SUGP2: variants seen among roughly 807,000 people sequenced by gnomAD.
SUGP2 encodes SURP and G-patch domain containing 2, also known as SURP and G-patch domain-containing protein 2.
SUGP2 carries 24 observed loss-of-function variants against 90.5 expected under a neutral mutation model. That is an observed-to-expected ratio of 0.27 (90% CI 0.19 to 0.37). The LOEUF (loss-of-function observed/expected upper bound fraction) is 0.37, where lower values mean the gene tolerates loss of function less well. Ranked by LOEUF, SUGP2 falls within the 10% of genes least tolerant of loss-of-function variation. The pLI, the probability that SUGP2 is intolerant of heterozygous loss-of-function variation, is 1.00. For missense variants in SUGP2, 1,233 were observed against 1,363.3 expected, an observed-to-expected ratio of 0.90 and a Z score of 1.51; for synonymous variants, 473 against 513.4, an observed-to-expected ratio of 0.92 and a Z score of 1.06.
At chr19:19,013,393 T>C (rs1237206833) in intron 4 of SUGP2, among the ~76,000 whole-genome samples, 1 of 152,206 alleles carries the variant, frequency 6.6e-6, no homozygotes, top group Admixed American at 6.5e-5. Context: ...CATCTCTGTG[T>C]TTTCCAATTC....
chr19:19,014,804 C>A (rs10422769), intron 4 of SUGP2, among the ~76,000 whole-genome samples: 3,601 of 131,434 alleles, frequency 0.027, 129 homozygotes, highest in African/African-American at 0.092. Flanking sequence ...TCTCTTTAAA[C>A]AAAAAAAAAA....
chr19:19,008,169 T>C (rs1334948805), intron 6 of SUGP2, 148 bp downstream of exon 6: 2 of 719,210 alleles, frequency 2.8e-6, no homozygotes, highest in Non-Finnish European at 5.0e-6. Context: ...CCAGTTGCAG[T>C]GGAGCACACC....
Position 18,991,437 on chromosome 19 carries a change from A to G in SUGP2, c.*2304T>C, listed in dbSNP as rs1399853071. 1 of 152,058 alleles carries G rather than the reference A, an allele frequency of 6.6e-6. No individual in the cohort carries two copies. Among genetic ancestry groups the G allele is most frequent in the Non-Finnish European group, 1.5e-5 (1 of 68,000 alleles). 9.4% of individuals were successfully genotyped at this position (152,058 alleles called of 1,614,324 possible). Reference sequence around the variant, plus strand: ...TAGGGGGCTTTCTAGGTTCAAGGAGATGTGCCCTTTGACCCCTGCCAAGGA... The same window carrying G: ...TAGGGGGCTTTCTAGGTTCAAGGAGGTGTGCCCTTTGACCCCTGCCAAGGA... On this transcript the variant is annotated 3_prime_UTR_variant, in exon 11 of 11. Transcript: ENST00000452918.
At position 19,017,824 on chromosome 19, in the gene SUGP2, CA is replaced by C. The variant is rs1375856496; in HGVS notation, c.1850+1284del. On this transcript the variant is annotated intron_variant, in intron 4 of 10. Coordinates refer to ENST00000452918, the MANE Select transcript of SUGP2 (RefSeq NM_001017392.5). ...CTGCAGCTGAGAAACTGACATAAAT[CA>C]AAAGCCTCTAACATGAGCTTTAACC... 7.2e-5 allele frequency among the ~76,000 whole-genome samples: 11 copies of C among 152,012 alleles called. No individual in the cohort carries two copies. The East Asian group carries it at 2.1e-3, about 29-fold the overall frequency.
At chr19:19,002,505 G>GTTTTTTTTT (rs58282570) in intron 7 of SUGP2, among the ~76,000 whole-genome samples, 2 of 61,102 alleles carry the variant, frequency 3.3e-5, no homozygotes, top group Non-Finnish European at 5.7e-5. Context: ...TAGCAAGTCT[G>GTTTTTTTTT]TTTTTTTTTT....
intron 1 of SUGP2, among the ~76,000 whole-genome samples, chr19:19,032,718 C>G (rs2059224530): frequency 6.6e-6 from 1 of 152,188 alleles, no homozygotes; most frequent in South Asian, 2.1e-4. Context: ...ACCAGACAGC[C>G]CAGATTTGAA....
intron 2 of SUGP2, among the ~76,000 whole-genome samples, chr19:19,029,921 C>T (rs960886383): frequency 4.7e-4 from 71 of 149,486 alleles, no homozygotes; most frequent in Non-Finnish European, 4.9e-4. Context: ...CCAGCCTGGG[C>T]GACAGTACAA....
rs4808896 is a variant in SUGP2 at position 18,994,322 on chromosome 19, G to A, written c.*44C>T. ...GGGAAATTTCTCTGCATACCAGCAC[G>A]CCAGCGAGGGCAGACGGCCTTACAC... On this transcript the variant is annotated intron_variant, in intron 10 of 10. Coordinates refer to ENST00000452918, the MANE Select transcript of SUGP2 (RefSeq NM_001017392.5). The A allele has an allele frequency of 0.077, 121,824 of 1,590,776 alleles. 5,187 individuals carry two copies. Among genetic ancestry groups the A allele is most frequent in the Middle Eastern group, 0.097 (581 of 5,980 alleles).
intron 8 of SUGP2, among the ~76,000 whole-genome samples, chr19:19,000,356 C>G (rs2057780995): frequency 6.6e-6 from 1 of 152,204 alleles, no homozygotes; most frequent in Admixed American, 6.5e-5. Flanking sequence ...TCTCTTTGAC[C>G]TGCTTCTCTT....
chr19:19,024,446 T>C (rs1388464654), intron 3 of SUGP2, among the ~76,000 whole-genome samples, 173 bp downstream of exon 3: 1 of 152,206 alleles, frequency 6.6e-6, no homozygotes, highest in Non-Finnish European at 1.5e-5. Flanking sequence ...AGATTCCTAA[T>C]ACACATTCAC....
At chr19:19,033,202 C>CCTTT (rs1402587329) in intron 1 of SUGP2, 1 of 254,838 alleles carries the variant, frequency 3.9e-6, no homozygotes, top group Non-Finnish European at 6.6e-6. Flanking sequence ...AACCAATGAG[C>CCTTT]CTTTGTGGAC....
rs749879435 is a variant in SUGP2, at chr19:19,010,154, C to T, written c.2039G>A (p.Arg680Gln). The change falls in exon 5 of 11, where the codon CGG becomes CAG. Residue 680 changes from arginine (R) to glutamine (Q), a missense_variant. Around this residue, in one of 8 missense-constraint regions of SUGP2, gnomAD observed 540 missense variants for 542.6 expected, o/e 1.00. Coordinates refer to ENST00000452918, the MANE Select transcript of SUGP2 (RefSeq NM_001017392.5). ...GAGCCCTTGAGCACGGAGGAGCCCC[C>T]GCCGCTGCCACGGAAGGAGTTTCTT... Reference protein sequence around the residue: ...LKKKLLPWQRRGLLRAQGLRG... With the variant: ...LKKKLLPWQRQGLLRAQGLRG... The T allele has an allele frequency of 2.5e-5, 41 of 1,612,958 alleles. No individual in the cohort carries two copies. Among genetic ancestry groups the T allele is most frequent in the Middle Eastern group, 1.6e-4 (1 of 6,082 alleles).
intron 7 of SUGP2, among the ~76,000 whole-genome samples, chr19:19,002,128 C>T (rs1055027995): frequency 2.0e-5 from 3 of 152,142 alleles, no homozygotes; most frequent in Admixed American, 6.5e-5. Context: ...GCCTGTAATC[C>T]CATCACTTTG....
chr19:19,014,263 G>A (rs1000875207), intron 4 of SUGP2, among the ~76,000 whole-genome samples: 1 of 152,162 alleles, frequency 6.6e-6, no homozygotes, highest in Admixed American at 6.5e-5. Flanking sequence ...AAAGTGGTGG[G>A]ATTACAGGTG....
At chr19:19,001,354 T>C (rs1374195957) in intron 8 of SUGP2, among the ~76,000 whole-genome samples, 2 of 152,198 alleles carry the variant, frequency 1.3e-5, no homozygotes, top group Admixed American at 6.5e-5. Context: ...TTATCTCGTT[T>C]ATCTCTCAAA....
chr19:18,995,374 A>C, intron 8 of SUGP2, 94 bp from the exon 9 acceptor site: 1 of 1,394,468 alleles, frequency 7.2e-7, no homozygotes, highest in Non-Finnish European at 9.5e-7. Context: ...CTCACCCCCA[A>C]ATGCCCTCCT....
intron 4 of SUGP2, among the ~76,000 whole-genome samples, chr19:19,014,658 G>A (rs889368107): frequency 4.0e-5 from 6 of 151,502 alleles, no homozygotes; most frequent in African/African-American, 1.5e-4. Flanking sequence ...GCTGATAGCT[G>A]AATGCGGTGG....
At chr19:18,997,510 C>T (rs1040680212) in intron 8 of SUGP2, among the ~76,000 whole-genome samples, 7 of 152,094 alleles carry the variant, frequency 4.6e-5, no homozygotes, top group African/African-American at 7.2e-5. Flanking sequence ...TAAGGCTGGG[C>T]GCGGTGGCTC....
chr19:19,027,047 A>T (rs1006039911), intron 2 of SUGP2, among the ~76,000 whole-genome samples: 1 of 152,156 alleles, frequency 6.6e-6, no homozygotes, highest in Admixed American at 6.6e-5. Context: ...TGGGAGGCCG[A>T]GGTGGGAGGA....
Sources: gnomAD v4.1 joint callset for allele counts (sites outside exome capture counted in the v4.1 genomes callset) on GRCh38, gnomAD v4.1.1 for gene constraint, gnomAD v4.1.1 regional missense constraint, MANE v1.5 for transcripts, NCBI Gene and HGNC (gene_info 2026-07-23, HGNC 2026-07-21) for gene names.